The following CSMD1 variants were observed in gnomAD, a reference collection of about 807,000 sequenced individuals.
The protein encoded by CSMD1 is CUB and Sushi multiple domains 1.
In CSMD1, 213 loss-of-function variants were observed where a neutral mutation model predicts 417.5. The ratio of observed to expected loss-of-function variants is 0.51; its 90% CI spans 0.46 to 0.57. The LOEUF is 0.57. CSMD1 is among the 20% of genes least tolerant of loss of function. The pLI, the probability that CSMD1 is intolerant of heterozygous loss-of-function variation, is 0.00. For missense variants in CSMD1, 6,923 were observed against 4,529.7 expected (o/e 1.53, Z -15.17); for synonymous variants, 2,862 against 1,736.8 (o/e 1.65, Z -16.11).
At chr8:3,619,051 C>G (rs1320474923) in intron 7 of CSMD1, among the ~76,000 whole-genome samples, 1 of 151,952 alleles carries the variant, frequency 6.6e-6, no homozygotes. Context: ...AAAACTGCAG[C>G]AAGATTGCAA....
At chr8:4,930,517 T>C (rs1024722068) in intron 1 of CSMD1, among the ~76,000 whole-genome samples, 1 of 152,152 alleles carries the variant, frequency 6.6e-6, no homozygotes, top group Non-Finnish European at 1.5e-5. Flanking sequence ...CAGCCGAGCA[T>C]ACAGCTGAGT....
At chr8:4,264,174 C>G (rs1349305172) in intron 3 of CSMD1, among the ~76,000 whole-genome samples, 1 of 152,122 alleles carries the variant, frequency 6.6e-6, no homozygotes, top group Non-Finnish European at 1.5e-5. Context: ...TATGCAGAAG[C>G]TGTTATGTGG....
intron 2 of CSMD1, among the ~76,000 whole-genome samples, chr8:4,447,351 C>G (rs1164713829): frequency 6.6e-6 from 1 of 152,110 alleles, no homozygotes; most frequent in Non-Finnish European, 1.5e-5. Context: ...AAATGCTATA[C>G]AAGTTAAGAG....
chr8:3,982,316 C>A (rs896737637), intron 5 of CSMD1, among the ~76,000 whole-genome samples: 1 of 151,778 alleles, frequency 6.6e-6, no homozygotes, highest in African/African-American at 2.4e-5. Context: ...ATAAATTACA[C>A]AATCCTTCTC....
intron 41 of CSMD1, among the ~76,000 whole-genome samples, chr8:3,121,799 AT>A (rs560298438): frequency 1.2e-3 from 182 of 152,302 alleles, no homozygotes; most frequent in African/African-American, 4.2e-3. Context: ...ATCCTGTCTC[AT>A]AAAAAGCAAG....
chr8:4,310,192 A>C (rs1798483785), intron 3 of CSMD1, among the ~76,000 whole-genome samples: 1 of 152,194 alleles, frequency 6.6e-6, no homozygotes, highest in Non-Finnish European at 1.5e-5. Flanking sequence ...AAACAATGGT[A>C]ATCTCCTTTC....
intron 3 of CSMD1, among the ~76,000 whole-genome samples, chr8:4,381,692 C>T (rs550227512): frequency 1.3e-5 from 2 of 152,244 alleles, no homozygotes; most frequent in Non-Finnish European, 2.9e-5. Flanking sequence ...GAAGCAGATG[C>T]GTCAACATCT....
In CSMD1 at chr8:3,387,653, C is replaced by T; in HGVS notation, c.2623G>A (p.Asp875Asn). The T allele has an allele frequency of 6.3e-7, 1 of 1,599,832 alleles. No homozygotes were observed. The highest frequency in any genetic ancestry group is 8.5e-7 in the Non-Finnish European group (1 of 1,173,014). Residue 875 changes from aspartate to asparagine, a missense_variant, in exon 18 of 70, where the codon GAC becomes AAC. Coordinates refer to ENST00000635120, the MANE Select transcript of CSMD1 (RefSeq NM_033225.6). ...TGGCCGTTCACAGGGATGCCCGGGTCCAGGCAGGAATCCGACTCAAGCGTC... is the reference window on the plus strand; with the variant it reads ...TGGCCGTTCACAGGGATGCCCGGGTTCAGGCAGGAATCCGACTCAAGCGTC... ...SVTLESDSCL[D>N]PGIPVNGHRH...
At chr8:4,553,351 C>T (rs1179534338) in intron 2 of CSMD1, among the ~76,000 whole-genome samples, 2 of 151,962 alleles carry the variant, frequency 1.3e-5, no homozygotes, top group East Asian at 3.9e-4. Context: ...TTAATTACTC[C>T]TGACAGGCAT....
chr8:4,087,837 A>G (rs771499567), intron 3 of CSMD1, among the ~76,000 whole-genome samples: 1 of 152,108 alleles, frequency 6.6e-6, no homozygotes. Flanking sequence ...CACCTAGCAT[A>G]ATAATGCCTA....
chr8:3,447,159 C>T (rs1815356455), intron 12 of CSMD1, among the ~76,000 whole-genome samples: 1 of 152,058 alleles, frequency 6.6e-6, no homozygotes, highest in African/African-American at 2.4e-5. Context: ...GCCACGGGCA[C>T]TGATGAAAAG....
intron 1 of CSMD1, among the ~76,000 whole-genome samples, chr8:4,876,401 A>G (rs147461518): frequency 6.6e-6 from 1 of 152,138 alleles, no homozygotes; most frequent in East Asian, 1.9e-4. Flanking sequence ...AAACCGTTAA[A>G]GGAGTACAAG....
At chr8:3,171,907 T>G (rs145466283) in intron 37 of CSMD1, among the ~76,000 whole-genome samples, 1 of 152,196 alleles carries the variant, frequency 6.6e-6, no homozygotes, top group African/African-American at 2.4e-5. Context: ...TGTGTCTCTA[T>G]ATTTGGGTTC....
chr8:3,427,920 T>A (rs1467224333), intron 12 of CSMD1, among the ~76,000 whole-genome samples: 1 of 152,224 alleles, frequency 6.6e-6, no homozygotes, highest in Non-Finnish European at 1.5e-5. Flanking sequence ...TTCACAGGGC[T>A]GACAAGCGCC....
chr8:3,312,290 T>A (rs1805411736), intron 23 of CSMD1, among the ~76,000 whole-genome samples: 1 of 152,208 alleles, frequency 6.6e-6, no homozygotes, highest in Non-Finnish European at 1.5e-5. Context: ...GGCAGCGTAG[T>A]TTTCTCTTTA....
chr8:3,906,280 C>A (rs147517906), intron 5 of CSMD1, among the ~76,000 whole-genome samples: 1 of 128,796 alleles, frequency 7.8e-6, no homozygotes, highest in South Asian at 3.0e-4. Flanking sequence ...CAAATAAAAT[C>A]AATTGTCATA....
intron 7 of CSMD1, among the ~76,000 whole-genome samples, chr8:3,654,163 C>A (rs534217822): frequency 1.2e-4 from 19 of 152,218 alleles, no homozygotes; most frequent in Non-Finnish European, 2.6e-4. Context: ...TGCACACACA[C>A]ATCACTGAAG....
intron 26 of CSMD1, among the ~76,000 whole-genome samples, chr8:3,268,408 C>T (rs1041594344): frequency 1.5e-4 from 22 of 149,616 alleles, no homozygotes; most frequent in African/African-American, 4.9e-4. Context: ...CCTGCCTCAA[C>T]CTCCCGAGTA....
At chr8:4,557,414 C>T (rs908225352) in intron 2 of CSMD1, among the ~76,000 whole-genome samples, 7 of 150,056 alleles carry the variant, frequency 4.7e-5, no homozygotes, top group African/African-American at 9.8e-5. Flanking sequence ...AGTAATCCAT[C>T]TGAAAATCTG....
Sources: gnomAD v4.1 joint callset for allele counts (sites outside exome capture counted in the v4.1 genomes callset) on GRCh38, gnomAD v4.1.1 for gene constraint, MANE v1.5 for transcripts, NCBI Gene and HGNC (gene_info 2026-07-23, HGNC 2026-07-21) for gene names.